Variants in LRRC69 observed in about 807,000 individuals in gnomAD.
LRRC69 encodes leucine-rich repeat-containing protein 69.
A neutral mutation model predicts 37.8 loss-of-function variants in LRRC69; 42 were observed. That is an observed-to-expected ratio of 1.11 (90% CI 0.87 to 1.44). LRRC69 has a LOEUF of 1.44. LRRC69 is among the 40% of genes most tolerant of loss of function. The pLI, the probability that LRRC69 is intolerant of heterozygous loss-of-function variation, is 0.00. For missense variants in LRRC69, 357 were observed against 401.9 expected (o/e 0.89, Z 0.96); for synonymous variants, 141 against 143.1 (o/e 0.99, Z 0.11).
chr8:91,202,398 T>C (rs957355333), intron 7 of LRRC69, among the ~76,000 whole-genome samples: 3 of 152,280 alleles, frequency 2.0e-5, no homozygotes, highest in African/African-American at 7.2e-5. Context: ...CTTCAACATA[T>C]GAATTTTGGC....
intron 1 of LRRC69, among the ~76,000 whole-genome samples, chr8:91,106,226 A>G (rs796651238): frequency 1.3e-5 from 2 of 152,060 alleles, no homozygotes; most frequent in South Asian, 4.1e-4. Context: ...GTTTATCAGT[A>G]ATGTTTAAAG....
intron 7 of LRRC69, among the ~76,000 whole-genome samples, chr8:91,207,911 C>T (rs546927441): frequency 2.3e-3 from 352 of 152,270 alleles, no homozygotes; most frequent in African/African-American, 8.0e-3. Flanking sequence ...ATTAACAATT[C>T]TGGAGGCTAG....
intron 5 of LRRC69, among the ~76,000 whole-genome samples, chr8:91,187,800 C>T (rs911996093): frequency 2.6e-5 from 4 of 152,178 alleles, no homozygotes; most frequent in Admixed American, 2.0e-4. Flanking sequence ...CACTTAAATG[C>T]CTTTTCCTCT....
intron 7 of LRRC69, among the ~76,000 whole-genome samples, chr8:91,214,244 A>G (rs1809995470): frequency 6.6e-6 from 1 of 152,098 alleles, no homozygotes; most frequent in Non-Finnish European, 1.5e-5. Context: ...TGTGAAGGAG[A>G]AAGAGTCCAG....
chr8:91,142,661 T>C (rs566707293), intron 5 of LRRC69, among the ~76,000 whole-genome samples: 2 of 152,152 alleles, frequency 1.3e-5, no homozygotes, highest in East Asian at 1.9e-4. Context: ...ATTTCTGTTA[T>C]GTTCTTTGGT....
At chr8:91,172,515 T>C (rs1334980070) in intron 5 of LRRC69, among the ~76,000 whole-genome samples, 1 of 152,028 alleles carries the variant, frequency 6.6e-6, no homozygotes, top group African/African-American at 2.4e-5. Flanking sequence ...ATAAACTCTT[T>C]ATTTATTTTT....
intron 5 of LRRC69, among the ~76,000 whole-genome samples, chr8:91,163,059 G>A (rs1404253600): frequency 6.6e-6 from 1 of 151,136 alleles, no homozygotes; most frequent in Non-Finnish European, 1.5e-5. Flanking sequence ...CATGTTAAGT[G>A]TAGTTATTTC....
At chr8:91,158,790 A>T (rs1808885099) in intron 5 of LRRC69, 6 of 767,390 alleles carry the variant, frequency 7.8e-6, no homozygotes, top group Non-Finnish European at 1.4e-5. Context: ...AAAAGAGAAA[A>T]ACCAATGATT....
At chr8:91,213,944 AG>A (rs1224010551) in intron 7 of LRRC69, among the ~76,000 whole-genome samples, 1 of 152,158 alleles carries the variant, frequency 6.6e-6, no homozygotes, top group African/African-American at 2.4e-5. Flanking sequence ...AGATTAAGTA[AG>A]GGGTTTGAAC....
chr8:91,163,489 G>A (rs1808980249), intron 5 of LRRC69, among the ~76,000 whole-genome samples: 1 of 151,434 alleles, frequency 6.6e-6, no homozygotes, highest in African/African-American at 2.4e-5. Flanking sequence ...ATGTTCACAA[G>A]TCACAAACTT....
rs563373706 is a variant in LRRC69, at chr8:91,147,889, G to C, written c.651+12150G>C. Among the ~76,000 whole-genome samples the C allele has an allele frequency of 9.9e-5, 15 of 151,630 alleles. No homozygotes were observed. In the East Asian group the frequency reaches 2.9e-3, roughly 30 times the overall value. ...TGGCCCCCCCAACAGGCCTTGGTGT[G>C]TATTGTTCCCTTCCCTGTGTCCATG... On this transcript the variant is annotated intron_variant, in intron 5 of 7. Transcript: ENST00000448384.
chr8:91,214,156 A>T (rs1809993459), intron 7 of LRRC69, among the ~76,000 whole-genome samples: 1 of 152,084 alleles, frequency 6.6e-6, no homozygotes, highest in African/African-American at 2.4e-5. Flanking sequence ...GTGGTGGTGG[A>T]AAAGCAAGGA....
At chr8:91,150,877 G>T (rs1439978743) in intron 5 of LRRC69, among the ~76,000 whole-genome samples, 1 of 151,948 alleles carries the variant, frequency 6.6e-6, no homozygotes, top group Non-Finnish European at 1.5e-5. Flanking sequence ...TTGCATAGAG[G>T]TGTTTATAGT....
rs896264999 is a variant in LRRC69 at position 91,135,720 on chromosome 8, T to C, written c.632T>C (p.Ile211Thr). 4.8e-6 allele frequency: 7 copies of C among 1,448,276 alleles called. No individual in the cohort carries two copies. The Admixed American group carries it at 1.6e-4, about 32-fold the overall frequency. 89.7% of individuals were successfully genotyped at this position (1,448,276 alleles called of 1,614,324 possible). ...ATCCTAGACATAGCTGGAAATATTA[T>C]TCAGATATTTCCATCAGGAGTAAGT... is the stretch of plus-strand genomic sequence containing the variant. Residue 211 changes from isoleucine to threonine, a missense_variant, in exon 5 of 8, where the codon ATT becomes ACT. Ile to Thr is a moderately conservative substitution (Grantham distance 89). Coordinates refer to ENST00000448384, the Ensembl canonical transcript of LRRC69.
At chr8:91,176,134 A>ATATATATATATTTTTTTTTTTT in intron 5 of LRRC69, among the ~76,000 whole-genome samples, 9 of 75,700 alleles carry the variant, frequency 1.2e-4, no homozygotes, top group African/African-American at 3.0e-4. Context: ...ATATATATAT[A>ATATATATATATTTTTTTTTTTT]TTTTTTTTTT....
chr8:91,127,094 T>G lies in LRRC69; in HGVS notation c.317T>G (p.Leu106Ter). 1 of 1,546,954 alleles carries G rather than the reference T, an allele frequency of 6.5e-7. No individual in the cohort carries two copies. Among genetic ancestry groups the G allele is most frequent in the Non-Finnish European group, 8.7e-7 (1 of 1,145,210 alleles). ...TAAAATTATTTTCTAACAGATGGCT[T>G]ACAAAATTTAATCCTGCTTAATCTG... Residue 106 changes from leucine to a stop codon, truncating the protein, a stop_gained, in exon 3 of 8, where the codon TTA (leucine) becomes TGA (stop). Transcript: ENST00000448384. LOFTEE classifies it high-confidence loss of function.
At chr8:91,114,232 A>G (rs76602982) in intron 1 of LRRC69, among the ~76,000 whole-genome samples, 4,879 of 152,066 alleles carry the variant, frequency 0.032, 224 homozygotes, top group East Asian at 0.22. Flanking sequence ...TGGTACAGTC[A>G]TTATGGAAAG....
rs572658341 is a variant in LRRC69 at position 91,157,528 on chromosome 8, A to G, written c.651+21789A>G. 44 of 1,531,668 alleles carry G rather than the reference A, an allele frequency of 2.9e-5. No homozygotes were observed. The South Asian group carries it at 4.2e-4, about 15-fold the overall frequency. The allele number at this position is 1,531,668 out of a possible 1,614,324, so 94.9% of individuals were successfully genotyped here. ...AGACAAGGAGTTCTATTTGTTTCCT[A>G]TAGTATTTAATGAGAATGAGGGTTT... On this transcript the variant is annotated intron_variant, in intron 5 of 7. Transcript: ENST00000448384.
intron 7 of LRRC69, among the ~76,000 whole-genome samples, chr8:91,202,418 A>G (rs921354291): frequency 2.0e-5 from 3 of 152,280 alleles, no homozygotes; most frequent in Non-Finnish European, 2.9e-5. Context: ...CAGAAACACA[A>G]TTCAGCCCAT....
Sources: allele counts gnomAD v4.1 joint callset (sites outside exome capture counted in the v4.1 genomes callset), GRCh38; gene constraint gnomAD v4.1.1; transcripts MANE v1.5; gene names NCBI Gene and HGNC (gene_info 2026-07-23, HGNC 2026-07-21).